The following MED13L variants were observed in gnomAD, a reference collection of about 807,000 sequenced individuals.
MED13L encodes the protein mediator of RNA polymerase II transcription subunit 13-like.
A neutral mutation model predicts 220.9 loss-of-function variants in MED13L; 7 were observed. That is an observed-to-expected ratio of 0.03 (90% CI 0.02 to 0.06). The LOEUF (loss-of-function observed/expected upper bound fraction) is 0.06. Among genes scored for constraint, MED13L ranks in the 10% least tolerant of loss-of-function variants. The pLI, the probability that MED13L is intolerant of heterozygous loss-of-function variation, is 1.00. For synonymous variants in MED13L, 1,011 were observed against 1,015.2 expected (o/e 1.00, Z 0.08); for missense variants, 1,965 against 2,760.5 (o/e 0.71, Z 6.46).
At chr12:116,026,341 G>A (rs1456203534) in intron 4 of MED13L, among the ~76,000 whole-genome samples, 1 of 152,048 alleles carries the variant, frequency 6.6e-6, no homozygotes, top group Non-Finnish European at 1.5e-5. Context: ...ATCGAATCAA[G>A]GATCTTTTAT....
intron 22 of MED13L, among the ~76,000 whole-genome samples, chr12:115,981,510 TG>T (rs1463905665): frequency 6.6e-6 from 1 of 152,154 alleles, no homozygotes; most frequent in Non-Finnish European, 1.5e-5. Context: ...ACTATAAAGC[TG>T]TCAAAGGTGC....
Position 115,961,427 on chromosome 12 carries a change from C to T in MED13L, c.6501-29G>A, listed in dbSNP as rs755240232. The T allele has an allele frequency of 1.4e-5, 23 of 1,612,408 alleles. No homozygotes were observed. The East Asian group carries it at 3.3e-4, about 23-fold the overall frequency. On this transcript the variant is annotated intron_variant, in intron 30 of 30. Transcript: ENST00000281928. The stretch of plus-strand genomic sequence containing the variant: ...CCAAAGAGAACACACAGAGCAGGGG[C>T]GTGAGCCTCAAGAGGGAAGGCTGGT...
intron 1 of MED13L, among the ~76,000 whole-genome samples, chr12:116,256,589 A>C (rs1346095054): frequency 6.6e-6 from 1 of 151,716 alleles, no homozygotes; most frequent in Non-Finnish European, 1.5e-5. Flanking sequence ...AGTATATTTT[A>C]TTGTATGTAA....
At chr12:116,046,318 T>C (rs907472739) in intron 4 of MED13L, among the ~76,000 whole-genome samples, 7 of 152,146 alleles carry the variant, frequency 4.6e-5, no homozygotes, top group South Asian at 2.1e-4. Context: ...CACCCATCCA[T>C]TGAAACATTG....
intron 4 of MED13L, among the ~76,000 whole-genome samples, chr12:116,082,092 T>G (rs1871276664): frequency 6.6e-6 from 1 of 152,228 alleles, no homozygotes; most frequent in South Asian, 2.1e-4. Flanking sequence ...TGGCAATATT[T>G]GTATAATTAG....
intron 2 of MED13L, among the ~76,000 whole-genome samples, chr12:116,160,553 G>A (rs920389213): frequency 6.6e-6 from 1 of 151,050 alleles, no homozygotes. Context: ...CTGATCTGTA[G>A]GAAGAGGCTG....
At chr12:116,146,440 C>T (rs906789276) in intron 2 of MED13L, among the ~76,000 whole-genome samples, 5 of 148,860 alleles carry the variant, frequency 3.4e-5, no homozygotes, top group African/African-American at 1.2e-4. Context: ...TTTGTTTTTT[C>T]CTTTTTTTTT....
At chr12:116,041,661 G>C (rs557948656) in intron 4 of MED13L, among the ~76,000 whole-genome samples, 3 of 152,166 alleles carry the variant, frequency 2.0e-5, no homozygotes, top group African/African-American at 7.2e-5. Context: ...TGGCTAACAC[G>C]GTGAAACCCC....
At chr12:116,221,903 AATAATT>A (rs1385757355) in intron 2 of MED13L, among the ~76,000 whole-genome samples, 8 of 152,172 alleles carry the variant, frequency 5.3e-5, no homozygotes, top group African/African-American at 1.7e-4. Context: ...CAAGGGCATA[AATAATT>A]ATAATCATTC....
intron 3 of MED13L, 23 bp downstream of exon 3, chr12:116,111,405 C>T (rs746111788): frequency 6.3e-7 from 1 of 1,597,846 alleles, no homozygotes; most frequent in South Asian, 1.1e-5. Context: ...CTGCAAACCA[C>T]TGTCTGCTGT....
chr12:115,961,117 C>A lies in MED13L; in HGVS notation c.*149G>T. Reference sequence around the variant, plus strand: ...CTGGTAATGAACACTGCAGAATTGACATGTGCCTGCTGAGAAGGAATCACA... The same window carrying A: ...CTGGTAATGAACACTGCAGAATTGAAATGTGCCTGCTGAGAAGGAATCACA... On this transcript the variant is annotated 3_prime_UTR_variant, in exon 31 of 31. Transcript: ENST00000281928. The A allele has an allele frequency of 9.7e-7, 1 of 1,026,738 alleles. No homozygotes were observed. The allele number at this position is 1,026,738 out of a possible 1,614,324, so 63.6% of individuals were successfully genotyped here.
intron 2 of MED13L, among the ~76,000 whole-genome samples, chr12:116,217,996 T>C (rs978086769): frequency 6.6e-6 from 1 of 152,192 alleles, no homozygotes; most frequent in Admixed American, 6.5e-5. Flanking sequence ...GCACACAACA[T>C]AGTCGTCTAG....
chr12:116,222,239 A>G (rs1481522013), intron 2 of MED13L, among the ~76,000 whole-genome samples: 1 of 152,224 alleles, frequency 6.6e-6, no homozygotes, highest in Non-Finnish European at 1.5e-5. Context: ...CATAATTTCC[A>G]TAGTACAGAC....
rs893111728 is a variant in MED13L at position 116,093,642 on chromosome 12, T to C, written c.479+3027A>G. ...ATGCAGTATGAGAAATTAGTAATAC[T>C]AATAATCAGTAATGCTAGTAATCCT... On this transcript the variant is annotated intron_variant, in intron 4 of 30. Coordinates refer to ENST00000281928, the MANE Select transcript of MED13L (RefSeq NM_015335.5). 3.9e-5 allele frequency among the ~76,000 whole-genome samples: 6 copies of C among 152,116 alleles called. No homozygotes were observed. The South Asian group carries it at 1.2e-3, about 31-fold the overall frequency.
intron 25 of MED13L, among the ~76,000 whole-genome samples, chr12:115,973,102 C>G (rs1876701094): frequency 6.6e-6 from 1 of 152,164 alleles, no homozygotes; most frequent in African/African-American, 2.4e-5. Flanking sequence ...TTTCCATATT[C>G]CCAATGAACC....
At chr12:116,036,064 CCAT>C (rs1881177240) in intron 4 of MED13L, among the ~76,000 whole-genome samples, 1 of 152,156 alleles carries the variant, frequency 6.6e-6, no homozygotes, top group South Asian at 2.1e-4. Flanking sequence ...AATGTGAGCT[CCAT>C]GAGGGTAGAA....
At chr12:115,983,679 C>T in intron 20 of MED13L, 139 bp from the exon 21 acceptor site, 1 of 918,822 alleles carries the variant, frequency 1.1e-6, no homozygotes. Flanking sequence ...AATACTATCT[C>T]CACAGTCATG....
At chr12:116,226,287 T>A (rs1376047369) in intron 2 of MED13L, among the ~76,000 whole-genome samples, 1 of 152,170 alleles carries the variant, frequency 6.6e-6, no homozygotes, top group Non-Finnish European at 1.5e-5. Context: ...GCTTATTCTG[T>A]TGAACTCACT....
rs766312873 is a variant in MED13L at position 115,983,456 on chromosome 12, T to C, written c.4616A>G (p.Gln1539Arg). The C allele has an allele frequency of 3.7e-6, 6 of 1,614,204 alleles. No individual in the cohort carries two copies. The highest frequency in any genetic ancestry group is 5.1e-6 in the Non-Finnish European group (6 of 1,180,010). Residue 1539 changes from glutamine (Q) to arginine (R), a missense_variant, in exon 21 of 31, where the codon CAA becomes CGA. Around this residue, in one of 10 missense-constraint regions of MED13L, gnomAD observed 510 missense variants for 620.4 expected, o/e 0.82. Coordinates refer to ENST00000281928, the MANE Select transcript of MED13L (RefSeq NM_015335.5). ...GGGCCCAGCATTCCCTGGCGTAGCT[T>C]GTCCCTGTGCTGCTGCTGGTGGGGT... is the stretch of plus-strand genomic sequence containing the variant. Reference protein sequence around the residue: ...YQTPPAAAQGQATPGNAGPLA... With the variant: ...YQTPPAAAQGRATPGNAGPLA...
Sources: allele counts gnomAD v4.1 joint callset (sites outside exome capture counted in the v4.1 genomes callset), GRCh38; gene constraint gnomAD v4.1.1; regional missense constraint gnomAD v4.1.1; transcripts MANE v1.5; gene names NCBI Gene and HGNC (gene_info 2026-07-23, HGNC 2026-07-21).